The following SATB2 variants were observed in gnomAD, a reference collection of about 807,000 sequenced individuals.
SATB2 encodes SATB homeobox 2.
Under a neutral mutation model 73.4 loss-of-function variants are expected in SATB2, and 1 was observed. The ratio of observed to expected loss-of-function variants is 0.01; its 90% CI spans 0.00 to 0.06. The LOEUF (loss-of-function observed/expected upper bound fraction) is 0.06. Ranked by LOEUF, SATB2 falls within the 10% of genes least tolerant of loss-of-function variation. SATB2 has a pLI of 1.00. For missense variants in SATB2, 459 were observed against 945.8 expected (o/e 0.49, Z 6.75); for synonymous variants, 397 against 367.0 (o/e 1.08, Z -0.93).
chr2:199,434,766 C>T lies in SATB2; in HGVS notation c.170-1252G>A, dbSNP rs1015065606. Among the ~76,000 whole-genome samples the T allele has an allele frequency of 7.9e-5, 12 of 152,156 alleles. No individual in the cohort carries two copies. The Middle Eastern group carries it at 0.017, about 216-fold the overall frequency. On this transcript the variant is annotated intron_variant, in intron 2 of 10. Transcript: ENST00000417098. ...AGAATGCATAGGAGTTTTCCAGAAC[C>T]CCCTCCCTGTGGCCTCAACCCTAGA...
At chr2:199,407,907 T>A (rs1294800490) in intron 3 of SATB2, among the ~76,000 whole-genome samples, 1 of 152,144 alleles carries the variant, frequency 6.6e-6, no homozygotes, top group Non-Finnish European at 1.5e-5. Context: ...CCAGAACAAG[T>A]AATATTTTCA....
At chr2:199,381,436 AATG>A (rs1354143185) in intron 4 of SATB2, among the ~76,000 whole-genome samples, 1 of 152,160 alleles carries the variant, frequency 6.6e-6, no homozygotes, top group Non-Finnish European at 1.5e-5. Context: ...ATAGATTTTT[AATG>A]ATTTGTCAAG....
At chr2:199,469,095 C>A (rs976546348), upstream of SATB2, among the ~76,000 whole-genome samples, 1 of 152,162 alleles carries the variant, frequency 6.6e-6, no homozygotes, top group African/African-American at 2.4e-5. Context: ...GGGCCCACAT[C>A]TCGAGTCTCC....
At chr2:199,470,798 G>T (rs983705239) in intron 1 of SATB2, 1 of 152,316 alleles carries the variant, frequency 6.6e-6, no homozygotes, top group Non-Finnish European at 1.5e-5. Flanking sequence ...GCGCTAACAC[G>T]CGCACGGGAA....
chr2:199,299,643 T>TC (rs397933400), intron 10 of SATB2, among the ~76,000 whole-genome samples: 6 of 151,930 alleles, frequency 3.9e-5, no homozygotes, highest in African/African-American at 1.2e-4. Context: ...TTGTTTTTTT[T>TC]CACTGTTATA....
intron 3 of SATB2, among the ~76,000 whole-genome samples, chr2:199,387,459 T>C (rs1689995189): frequency 6.6e-6 from 1 of 152,184 alleles, no homozygotes; most frequent in African/African-American, 2.4e-5. Context: ...GGGACTTCTC[T>C]GGAAAAAACA....
At chr2:199,440,153 A>G (rs1691772444) in intron 2 of SATB2, among the ~76,000 whole-genome samples, 1 of 152,116 alleles carries the variant, frequency 6.6e-6, no homozygotes, top group Non-Finnish European at 1.5e-5. Context: ...CTAAAATTGC[A>G]ACCATAAATA....
intron 10 of SATB2, among the ~76,000 whole-genome samples, chr2:199,297,443 T>G (rs1687143777): frequency 6.6e-6 from 1 of 152,174 alleles, no homozygotes; most frequent in African/African-American, 2.4e-5. Flanking sequence ...AGGCCATTAG[T>G]ATTCTCAGCA....
chr2:199,440,288 C>G (rs556566823), intron 2 of SATB2, among the ~76,000 whole-genome samples: 2 of 152,210 alleles, frequency 1.3e-5, no homozygotes, highest in Admixed American at 6.5e-5. Context: ...AGGCACCCAG[C>G]CCCCTGGGCT....
chr2:199,341,235 T>C (rs542529311), intron 7 of SATB2, among the ~76,000 whole-genome samples: 34 of 152,346 alleles, frequency 2.2e-4, no homozygotes, highest in Middle Eastern at 6.8e-3. Context: ...ATATTTCATG[T>C]ACATAGGCCT....
intron 3 of SATB2, among the ~76,000 whole-genome samples, chr2:199,413,937 A>G (rs1423772502): frequency 6.6e-6 from 1 of 152,230 alleles, no homozygotes; most frequent in Non-Finnish European, 1.5e-5. Flanking sequence ...TTTCTGCTAC[A>G]TATAGTCACT....
upstream of SATB2, among the ~76,000 whole-genome samples, chr2:199,467,690 CT>C (rs1330090710): frequency 6.6e-6 from 1 of 152,194 alleles, no homozygotes; most frequent in Non-Finnish European, 1.5e-5. Context: ...CATTCTTTAG[CT>C]CTCAGAAAGG....
At chr2:199,437,140 T>G (rs1424638006) in intron 2 of SATB2, among the ~76,000 whole-genome samples, 2 of 152,248 alleles carry the variant, frequency 1.3e-5, no homozygotes, top group Admixed American at 1.3e-4. Flanking sequence ...TTTTCTTTTA[T>G]TGTAGCACAG....
In SATB2 at chr2:199,272,582, A is replaced by T; in HGVS notation, c.1831T>A (p.Cys611Ser). The change falls in exon 11 of 11, where the codon TGT (cysteine) becomes AGT (serine). Residue 611 changes from cysteine (C) to serine (S), a missense_variant. By Grantham distance (112) the Cys-to-Ser change is moderately radical. Transcript: ENST00000417098. The surrounding 1 kb of genome is among the most constrained non-coding windows in gnomAD (Gnocchi z 6.7). Reference protein sequence around the residue: ...PPPPPPTEDSCAKKPRSRTKI... With the variant: ...PPPPPPTEDSSAKKPRSRTKI... Reference sequence around the variant, plus strand: ...GTGCGAGACCGGGGCTTTTTGGCACAACTGTCTTCAGTCGGAGGAGGTGGG... The same window carrying T: ...GTGCGAGACCGGGGCTTTTTGGCACTACTGTCTTCAGTCGGAGGAGGTGGG... The T allele has an allele frequency of 6.2e-7, 1 of 1,614,132 alleles. No homozygotes were observed. The highest frequency in any genetic ancestry group is 8.5e-7 in the Non-Finnish European group (1 of 1,180,018).
At chr2:199,470,374 G>T (rs1692680737) in intron 1 of SATB2, 2 of 152,266 alleles carry the variant, frequency 1.3e-5, no homozygotes, top group African/African-American at 2.4e-5. Context: ...GGGCACGGAG[G>T]CGACGGGCTG....
chr2:199,314,142 G>A (rs189763262), intron 9 of SATB2, among the ~76,000 whole-genome samples: 2 of 152,246 alleles, frequency 1.3e-5, no homozygotes, highest in African/African-American at 4.8e-5. Context: ...GGGTGGGTAT[G>A]TCTGCATTCC....
chr2:199,315,034 C>T (rs1465335165), intron 9 of SATB2, among the ~76,000 whole-genome samples: 3 of 151,976 alleles, frequency 2.0e-5, no homozygotes, highest in Admixed American at 6.6e-5. Context: ...TGGCCTGGTA[C>T]TGGTAAAGTG....
chr2:199,284,813 C>A (rs1692636584), intron 10 of SATB2, among the ~76,000 whole-genome samples: 2 of 151,652 alleles, frequency 1.3e-5, no homozygotes, highest in African/African-American at 4.8e-5. Context: ...TATATCTGTA[C>A]CTAACATGTA....
At chr2:199,409,650 G>A (rs375516239) in intron 3 of SATB2, among the ~76,000 whole-genome samples, 1 of 146,570 alleles carries the variant, frequency 6.8e-6, no homozygotes. Context: ...ACCAAGACAA[G>A]TTTTTTTTGT....
Sources: allele counts gnomAD v4.1 joint callset (sites outside exome capture counted in the v4.1 genomes callset), GRCh38; gene constraint gnomAD v4.1.1; non-coding constraint Gnocchi (gnomAD v3.1); transcripts MANE v1.5; gene names NCBI Gene and HGNC (gene_info 2026-07-23, HGNC 2026-07-21).